ZNF782: variants seen among roughly 807,000 people sequenced by gnomAD.
ZNF782 encodes zinc finger protein 782.
A neutral mutation model predicts 13.0 loss-of-function variants in ZNF782; 12 were observed. That is an observed-to-expected ratio of 0.92 (90% CI 0.59 to 1.50). ZNF782 has a LOEUF of 1.50. ZNF782 is among the 40% of genes most tolerant of loss of function. The probability of loss-of-function intolerance (pLI) is 0.00; values close to 1 mark genes in which losing one functional copy is unlikely to be tolerated. For synonymous variants in ZNF782, 284 were observed against 283.0 expected, an observed-to-expected ratio of 1.00 and a Z score of -0.04; for missense variants, 770 against 822.9, an observed-to-expected ratio of 0.94 and a Z score of 0.79.
At chr9:96,893,559 G>A in the ZNF782 span, 1 of 152,084 alleles carries the variant, frequency 6.6e-6, no homozygotes, top group Admixed American at 6.5e-5. Flanking sequence ...AAATTATGCT[G>A]CTATAAAGAC....
chr9:96,855,034 T>C (rs1028568320), upstream of ZNF782, among the ~76,000 whole-genome samples: 5 of 152,228 alleles, frequency 3.3e-5, no homozygotes, highest in Admixed American at 2.0e-4. Context: ...CTTTACAGCC[T>C]ACCCGACCCA....
chr9:96,826,174 A>G lies in ZNF782; in HGVS notation c.244+906T>C, dbSNP rs538023753. Among the ~76,000 whole-genome samples the G allele has an allele frequency of 1.9e-3, 284 of 152,302 alleles. 1 individual carries two copies. Among genetic ancestry groups the G allele is most frequent in the African/African-American group, 6.8e-3 (281 of 41,584 alleles). On this transcript the variant is annotated intron_variant, in intron 5 of 5. Transcript: ENST00000481138. ...CAAATGTCCAACAATGATAGACTGG[A>G]TTAAGAAAATGTGGCACATATACAC... is the stretch of plus-strand genomic sequence containing the variant.
intron 4 of ZNF782, among the ~76,000 whole-genome samples, chr9:96,829,928 G>A (rs1313454376): frequency 1.3e-5 from 2 of 152,174 alleles, no homozygotes; most frequent in Non-Finnish European, 2.9e-5. Flanking sequence ...AACATAAGAT[G>A]CTGAAAGGTA....
At position 96,828,564 on chromosome 9, in the gene ZNF782, T is replaced by C. The variant is rs550324176; in HGVS notation, c.143-1383A>G. Among the ~76,000 whole-genome samples, 33 of 152,294 alleles carry C rather than the reference T, an allele frequency of 2.2e-4. 1 individual carries two copies. Among genetic ancestry groups the C allele is most frequent in the Admixed American group, 6.5e-5 (1 of 15,298 alleles). On this transcript the variant is annotated intron_variant, in intron 4 of 5. Coordinates refer to ENST00000481138, the MANE Select transcript of ZNF782 (RefSeq NM_001001662.3). ...AAATGGCCCATATGGCCAGGCACAGTGACACCTGTAATCCCAGTTTTTTGG... is the reference window on the plus strand; with the variant it reads ...AAATGGCCCATATGGCCAGGCACAGCGACACCTGTAATCCCAGTTTTTTGG...
chr9:96,885,497 T>C, the ZNF782 span, among the ~76,000 whole-genome samples: 1 of 152,120 alleles, frequency 6.6e-6, no homozygotes, highest in Non-Finnish European at 1.5e-5. Context: ...GTCAGGGATC[T>C]ATAAGACAAT....
the ZNF782 span, among the ~76,000 whole-genome samples, chr9:96,933,323 T>C: frequency 6.6e-6 from 1 of 151,448 alleles, no homozygotes; most frequent in Admixed American, 6.6e-5. Context: ...AAGACCCAGG[T>C]CAGAGAGGGT....
chr9:96,908,405 T>C, the ZNF782 span, among the ~76,000 whole-genome samples: 1 of 152,294 alleles, frequency 6.6e-6, no homozygotes, highest in African/African-American at 2.4e-5. Flanking sequence ...AATGAAGATA[T>C]AACTTTCTTC....
chr9:96,891,230 G>A, the ZNF782 span: 1 of 152,128 alleles, frequency 6.6e-6, no homozygotes, highest in Non-Finnish European at 1.5e-5. Flanking sequence ...AACTTTCTGA[G>A]TGTATTTAAT....
At chr9:96,853,917 A>C (rs7022992) in intron 1 of ZNF782, among the ~76,000 whole-genome samples, 171 bp downstream of exon 1, 8,339 of 152,322 alleles carry the variant, frequency 0.055, 511 homozygotes, top group East Asian at 0.24. Context: ...CAGTCCGCTC[A>C]TGGCTTAGTA....
intron 1 of ZNF782, among the ~76,000 whole-genome samples, chr9:96,868,314 C>G (rs192623329): frequency 5.9e-5 from 9 of 152,278 alleles, no homozygotes; most frequent in South Asian, 2.1e-4. Context: ...AGTTCCAATC[C>G]AGTGTGCTTT....
At chr9:96,869,009 A>G (rs1588176584) in intron 1 of ZNF782, among the ~76,000 whole-genome samples, 1 of 152,250 alleles carries the variant, frequency 6.6e-6, no homozygotes, top group South Asian at 2.1e-4. Context: ...ACACGACAGT[A>G]GCCTATATTT....
At chr9:96,930,881 T>G in the ZNF782 span, among the ~76,000 whole-genome samples, 8 of 64,234 alleles carry the variant, frequency 1.2e-4, no homozygotes, top group East Asian at 3.7e-4. Flanking sequence ...GGTTTTTTTT[T>G]TTTTTTTTTT....
At chr9:96,875,618 C>T (rs2118897736) in exon 1 of ZNF782, 1 of 456,420 alleles carries the variant, frequency 2.2e-6, no homozygotes, top group Middle Eastern at 3.5e-4. Flanking sequence ...CCCCAAGGTT[C>T]GCACTGAACA....
At chr9:96,887,414 T>C in the ZNF782 span, 1 of 152,160 alleles carries the variant, frequency 6.6e-6, no homozygotes, top group Non-Finnish European at 1.5e-5. Flanking sequence ...TATATCAGAA[T>C]TGCTACAAGG....
intron 1 of ZNF782, among the ~76,000 whole-genome samples, chr9:96,871,580 T>C (rs903147151): frequency 3.3e-5 from 5 of 152,184 alleles, no homozygotes; most frequent in Admixed American, 2.0e-4. Flanking sequence ...ATGCCTGTAG[T>C]CCCAGCTACT....
At chr9:96,921,934 C>T in the ZNF782 span, among the ~76,000 whole-genome samples, 1 of 151,296 alleles carries the variant, frequency 6.6e-6, no homozygotes, top group East Asian at 2.0e-4. Flanking sequence ...CCTCATGATC[C>T]ACCCGCCTTG....
At chr9:96,831,176 G>C (rs1247567941) in intron 4 of ZNF782, among the ~76,000 whole-genome samples, 1 of 152,210 alleles carries the variant, frequency 6.6e-6, no homozygotes, top group African/African-American at 2.4e-5. Context: ...ACTGCCATGA[G>C]TTAAGGGATA....
At chr9:96,908,485 T>C in the ZNF782 span, among the ~76,000 whole-genome samples, 17 of 151,836 alleles carry the variant, frequency 1.1e-4, no homozygotes, top group Admixed American at 1.1e-3. Flanking sequence ...GGAAAAAAAT[T>C]AATTTGAGCA....
At chr9:96,847,544 T>G (rs1275147060) in intron 3 of ZNF782, among the ~76,000 whole-genome samples, 4 of 152,138 alleles carry the variant, frequency 2.6e-5, no homozygotes, top group Admixed American at 6.5e-5. Context: ...CGCCTTCATG[T>G]GCACAAACTA....
Sources: allele counts gnomAD v4.1 joint callset (sites outside exome capture counted in the v4.1 genomes callset), GRCh38; gene constraint gnomAD v4.1.1; transcripts MANE v1.5; gene names NCBI Gene and HGNC (gene_info 2026-07-23, HGNC 2026-07-21).